DLC1: variants seen among roughly 807,000 people sequenced by gnomAD.
The protein encoded by DLC1 is DLC1 Rho GTPase activating protein.
A neutral mutation model predicts 140.3 loss-of-function variants in DLC1; 54 were observed. The ratio of observed to expected loss-of-function variants is 0.38; its 90% CI spans 0.31 to 0.48. The LOEUF (loss-of-function observed/expected upper bound fraction) is 0.48. Among genes scored for constraint, DLC1 ranks in the 20% least tolerant of loss-of-function variants. The pLI is 0.96. For synonymous variants in DLC1, 986 were observed against 728.1 expected, an observed-to-expected ratio of 1.35 and a Z score of -5.70; for missense variants, 2,536 against 1,907.0, an observed-to-expected ratio of 1.33 and a Z score of -6.14.
At chr8:13,465,965 C>A (rs185450653) in intron 2 of DLC1, among the ~76,000 whole-genome samples, 12 of 152,228 alleles carry the variant, frequency 7.9e-5, no homozygotes, top group Admixed American at 7.9e-4. Context: ...AATCCAGATA[C>A]CTGCCTTTAT....
At chr8:13,369,269 T>C (rs1280057876) in intron 4 of DLC1, among the ~76,000 whole-genome samples, 1 of 150,674 alleles carries the variant, frequency 6.6e-6, no homozygotes, top group Non-Finnish European at 1.5e-5. Flanking sequence ...TGAATTTGGT[T>C]GAACTTCTAA....
chr8:13,090,605 G>A lies in DLC1; in HGVS notation c.3856-135C>T, dbSNP rs1817975208. ...GCAGGCATCTTCCCGCCGGAGGTGG[G>A]CTATCATGCTGACCGCACGTGTTAT... is the stretch of plus-strand genomic sequence containing the variant. On this transcript the variant is annotated intron_variant, in intron 14 of 17. Transcript: ENST00000276297. 5.3e-6 allele frequency: 5 copies of A among 946,802 alleles called. No homozygotes were observed. The South Asian group carries it at 6.8e-5, about 13-fold the overall frequency. 58.7% of individuals were successfully genotyped at this position (946,802 alleles called of 1,614,324 possible).
intron 4 of DLC1, among the ~76,000 whole-genome samples, chr8:13,371,617 G>A (rs1421751510): frequency 1.3e-5 from 2 of 148,444 alleles, no homozygotes; most frequent in Non-Finnish European, 3.0e-5. Flanking sequence ...TTATTTCCTT[G>A]GCATTCTACA....
At chr8:13,421,163 G>T (rs1245343099) in intron 2 of DLC1, among the ~76,000 whole-genome samples, 1 of 152,068 alleles carries the variant, frequency 6.6e-6, no homozygotes, top group African/African-American at 2.4e-5. Flanking sequence ...CAGAATACAT[G>T]TCATTTATTT....
intron 4 of DLC1, chr8:13,339,796 T>C (rs767146917): frequency 1.3e-5 from 2 of 152,226 alleles, no homozygotes; most frequent in South Asian, 2.1e-4. Context: ...AGCAATTAGA[T>C]AGTTTACAAA....
At chr8:13,406,161 C>A (rs1287281676) in intron 2 of DLC1, among the ~76,000 whole-genome samples, 1 of 139,162 alleles carries the variant, frequency 7.2e-6, no homozygotes. Flanking sequence ...CGCCTGCCAC[C>A]ATCCCCAGCT....
At chr8:13,372,681 C>T (rs186025759) in intron 4 of DLC1, among the ~76,000 whole-genome samples, 5 of 152,132 alleles carry the variant, frequency 3.3e-5, no homozygotes, top group Admixed American at 2.0e-4. Context: ...AAAAGGAACA[C>T]GTCATTGATA....
chr8:13,313,264 G>T (rs971286228), intron 4 of DLC1, among the ~76,000 whole-genome samples: 1 of 152,146 alleles, frequency 6.6e-6, no homozygotes, highest in Non-Finnish European at 1.5e-5. Context: ...CAAGACTCAA[G>T]CCAAGTACTC....
chr8:13,390,067 G>C (rs1836682224), intron 4 of DLC1, among the ~76,000 whole-genome samples: 2 of 152,140 alleles, frequency 1.3e-5, no homozygotes, highest in South Asian at 4.1e-4. Context: ...AATTGTGGGA[G>C]AAAGTATCTG....
At chr8:13,246,411 A>G (rs1301739567) in intron 5 of DLC1, among the ~76,000 whole-genome samples, 1 of 152,214 alleles carries the variant, frequency 6.6e-6, no homozygotes, top group Non-Finnish European at 1.5e-5. Flanking sequence ...CTATTAGTGT[A>G]GTGTGAAGTT....
intron 5 of DLC1, among the ~76,000 whole-genome samples, chr8:13,147,435 G>C (rs891915719): frequency 5.3e-5 from 8 of 152,066 alleles, no homozygotes; most frequent in African/African-American, 1.7e-4. Flanking sequence ...CACTCATTTC[G>C]AATCTGAAAA....
intron 5 of DLC1, among the ~76,000 whole-genome samples, chr8:13,231,945 A>G (rs1320119787): frequency 2.0e-5 from 3 of 152,222 alleles, no homozygotes; most frequent in Non-Finnish European, 4.4e-5. Flanking sequence ...AACATTATTC[A>G]TGTTTGCTGA....
Position 13,564,879 on chromosome 8 carries a change from C to T in DLC1, c.-126+39658G>A, listed in dbSNP as rs187420821. Among the ~76,000 whole-genome samples the T allele has an allele frequency of 3.2e-3, 480 of 152,260 alleles. 3 individuals are homozygous for T. The highest frequency in any genetic ancestry group is 6.8e-3 in the Middle Eastern group (2 of 294). ...GGCCAAGAGAGCCTGACTGGACTCTCTTTTCTATTCTTCATATCTCCCAAT... is the reference window on the plus strand; with the variant it reads ...GGCCAAGAGAGCCTGACTGGACTCTTTTTTCTATTCTTCATATCTCCCAAT... On this transcript the variant is annotated intron_variant, in intron 1 of 1. Coordinates refer to the DLC1 transcript ENST00000631382.
At chr8:13,275,575 C>G (rs1387658747) in intron 5 of DLC1, among the ~76,000 whole-genome samples, 1 of 150,616 alleles carries the variant, frequency 6.6e-6, no homozygotes, top group African/African-American at 2.4e-5. Flanking sequence ...TTTATCCCAA[C>G]GCAAAAATCG....
intron 5 of DLC1, among the ~76,000 whole-genome samples, chr8:13,293,577 T>C (rs1396273687): frequency 6.6e-6 from 1 of 152,222 alleles, no homozygotes; most frequent in Non-Finnish European, 1.5e-5. Flanking sequence ...CTGTGCAAGA[T>C]ATCACATGGC....
At chr8:13,347,003 T>A (rs11203478) in intron 4 of DLC1, among the ~76,000 whole-genome samples, 47,236 of 152,128 alleles carry the variant, frequency 0.31, 8,146 homozygotes, top group Non-Finnish European at 0.4. Context: ...CATCTTGTTA[T>A]AATTGTTTTA....
At chr8:13,336,819 T>G (rs1729109) in intron 4 of DLC1, among the ~76,000 whole-genome samples, 1 of 152,028 alleles carries the variant, frequency 6.6e-6, no homozygotes, top group Non-Finnish European at 1.5e-5. Context: ...CAAATATAAA[T>G]GGATATTATT....
intron 3 of DLC1, among the ~76,000 whole-genome samples, chr8:13,394,257 G>A (rs1184004587): frequency 1.3e-5 from 2 of 152,180 alleles, no homozygotes; most frequent in African/African-American, 4.8e-5. Context: ...GTCTTGTTAT[G>A]TGTCATTCAA....
chr8:13,448,535 G>T (rs141779365), intron 2 of DLC1, among the ~76,000 whole-genome samples: 1,617 of 152,012 alleles, frequency 0.011, 12 homozygotes, highest in Admixed American at 0.015. Flanking sequence ...GCTAATTTTT[G>T]TATTTTTAGT....
Sources: gnomAD v4.1 joint callset for allele counts (sites outside exome capture counted in the v4.1 genomes callset) on GRCh38, gnomAD v4.1.1 for gene constraint, MANE v1.5 for transcripts, NCBI Gene and HGNC (gene_info 2026-07-23, HGNC 2026-07-21) for gene names.